EXOC4: variants seen among roughly 807,000 people sequenced by gnomAD.
EXOC4 encodes the protein SEC8-like 1.
EXOC4 carries 71 observed loss-of-function variants against 107.2 expected under a neutral mutation model. That is an observed-to-expected ratio of 0.66 (90% CI 0.55 to 0.81). The LOEUF is 0.81. Ranked by LOEUF, EXOC4 falls within the 30% of genes least tolerant of loss-of-function variation. EXOC4 has a pLI of 0.00. For synonymous variants in EXOC4, 456 were observed against 441.2 expected (o/e 1.03, Z -0.42); for missense variants, 1,108 against 1,189.6 (o/e 0.93, Z 1.01).
At position 134,052,329 on chromosome 7, in the gene EXOC4, T is replaced by G. The variant is rs796836330; in HGVS notation, c.2688-11962T>G. Among the ~76,000 whole-genome samples, 38 of 152,192 alleles carry G rather than the reference T, an allele frequency of 2.5e-4. 1 individual carries two copies. Among genetic ancestry groups the G allele is most frequent in the African/African-American group, 8.9e-4 (37 of 41,510 alleles). The stretch of plus-strand genomic sequence containing the variant: ...TGAAAGAACCAGTGAAAAGGGAAGA[T>G]ACTGGATACAAGAGTTAAAAATAAA... On this transcript the variant is annotated intron_variant, in intron 17 of 17. Transcript: ENST00000253861.
At chr7:133,325,687 G>A (rs1186125154) in intron 5 of EXOC4, among the ~76,000 whole-genome samples, 3 of 152,048 alleles carry the variant, frequency 2.0e-5, no homozygotes, top group Non-Finnish European at 4.4e-5. Flanking sequence ...ACAATTATTT[G>A]CCTTGGAGTT....
chr7:133,735,219 C>CAAAAAA lies in EXOC4; in HGVS notation c.1515-82078_1515-82073dup, dbSNP rs56769096. 2.7e-3 allele frequency among the ~76,000 whole-genome samples: 91 copies of CAAAAAA among 33,510 alleles called. 9 individuals are homozygous for CAAAAAA. Among genetic ancestry groups the CAAAAAA allele is most frequent in the Non-Finnish European group, 3.7e-3 (77 of 21,040 alleles). 22.0% of individuals were successfully genotyped at this position (33,510 alleles called of 152,430 possible). On this transcript the variant is annotated intron_variant, in intron 10 of 17. Coordinates refer to ENST00000253861, the MANE Select transcript of EXOC4 (RefSeq NM_021807.4). ...TGGGTGACAGAGGAAGACTCTGTCTCAAAAAAAAAAAAAAAAAAAAAAAAA... is the reference window on the plus strand; with the variant it reads ...TGGGTGACAGAGGAAGACTCTGTCTCAAAAAAAAAAAAAAAAAAAAAAAAAAAAAAA...
intron 16 of EXOC4, among the ~76,000 whole-genome samples, chr7:134,006,196 A>G (rs932544729): frequency 1.3e-5 from 2 of 151,616 alleles, no homozygotes; most frequent in African/African-American, 4.8e-5. Context: ...AATGCATTTA[A>G]TATATTTATT....
At chr7:133,742,468 A>T (rs1480537852) in intron 10 of EXOC4, among the ~76,000 whole-genome samples, 1 of 152,234 alleles carries the variant, frequency 6.6e-6, no homozygotes, top group Non-Finnish European at 1.5e-5. Context: ...AGTGAACTAC[A>T]CCTTGATAGC....
intron 10 of EXOC4, among the ~76,000 whole-genome samples, chr7:133,794,287 G>A (rs1001338138): frequency 9.9e-5 from 15 of 152,068 alleles, no homozygotes; most frequent in Admixed American, 2.0e-4. Context: ...AGTAATTTAG[G>A]TGATATTTTC....
intron 10 of EXOC4, among the ~76,000 whole-genome samples, chr7:133,663,021 G>C (rs1469708693): frequency 6.6e-6 from 1 of 152,118 alleles, no homozygotes; most frequent in Admixed American, 6.5e-5. Context: ...AGTGGTGTGG[G>C]ACAAATGCAA....
At chr7:133,367,846 C>G (rs1328203506) in intron 6 of EXOC4, among the ~76,000 whole-genome samples, 1 of 151,736 alleles carries the variant, frequency 6.6e-6, no homozygotes, top group Non-Finnish European at 1.5e-5. Context: ...CTGTTATGAC[C>G]ATAGTTCTCC....
chr7:133,713,849 C>A (rs1187778003), intron 10 of EXOC4, among the ~76,000 whole-genome samples: 5 of 152,164 alleles, frequency 3.3e-5, no homozygotes, highest in Admixed American at 2.0e-4. Flanking sequence ...TCCCCCGCCC[C>A]AAACATGCTG....
At chr7:133,289,169 C>A in intron 3 of EXOC4, 53 bp downstream of exon 3, 2 of 1,459,102 alleles carry the variant, frequency 1.4e-6, no homozygotes, top group South Asian at 1.2e-5. Flanking sequence ...TAAAAGCACT[C>A]TCTTTTATTC....
intron 5 of EXOC4, among the ~76,000 whole-genome samples, chr7:133,353,422 A>G (rs1795954685): frequency 6.6e-6 from 1 of 152,046 alleles, no homozygotes. Flanking sequence ...CTTGGTTGAC[A>G]GTTTTTTTAT....
intron 2 of EXOC4, among the ~76,000 whole-genome samples, chr7:133,287,499 G>C (rs1794308620): frequency 6.6e-6 from 1 of 152,048 alleles, no homozygotes; most frequent in East Asian, 1.9e-4. Context: ...TTGTTTAGTA[G>C]AGAGAGGGTT....
chr7:133,524,733 A>G (rs1321208211), intron 9 of EXOC4, among the ~76,000 whole-genome samples: 3 of 152,110 alleles, frequency 2.0e-5, no homozygotes, highest in East Asian at 3.9e-4. Flanking sequence ...CAGGTTTGTC[A>G]AAGATCAGAT....
intron 11 of EXOC4, among the ~76,000 whole-genome samples, chr7:133,832,386 G>A (rs1307657761): frequency 6.6e-6 from 1 of 152,102 alleles, no homozygotes; most frequent in Non-Finnish European, 1.5e-5. Flanking sequence ...GCAAAATGTT[G>A]TGTGTCTACC....
intron 10 of EXOC4, among the ~76,000 whole-genome samples, chr7:133,771,126 T>C (rs1489174839): frequency 1.3e-5 from 2 of 151,922 alleles, no homozygotes; most frequent in Non-Finnish European, 2.9e-5. Context: ...CAGCCAAAGA[T>C]ATAGACTTAT....
In EXOC4 at chr7:133,800,749, C is replaced by T. The variant is rs569307665; in HGVS notation, c.1515-16576C>T. On this transcript the variant is annotated intron_variant, in intron 10 of 17. Coordinates refer to ENST00000253861, the MANE Select transcript of EXOC4 (RefSeq NM_021807.4). ...TGACCCAAGTAACAGACAGTGTTGA[C>T]GTCTAGTCATAACTTCAGTGTGGGT... Among the ~76,000 whole-genome samples the T allele has an allele frequency of 1.1e-4, 17 of 152,254 alleles. 1 individual carries two copies. In the South Asian group the frequency reaches 3.3e-3, roughly 30 times the overall value.
chr7:133,780,726 G>A, intron 10 of EXOC4, among the ~76,000 whole-genome samples: 1 of 152,150 alleles, frequency 6.6e-6, no homozygotes, highest in Admixed American at 6.5e-5. Flanking sequence ...CCTGGGGGAA[G>A]GGCAGGAACT....
intron 11 of EXOC4, among the ~76,000 whole-genome samples, chr7:133,840,765 G>A (rs558835063): frequency 6.6e-6 from 1 of 152,278 alleles, no homozygotes; most frequent in Admixed American, 6.5e-5. Flanking sequence ...ACAGGCGTGA[G>A]CCACTACGCC....
At chr7:133,831,045 A>G (rs556957427) in intron 11 of EXOC4, among the ~76,000 whole-genome samples, 8 of 150,832 alleles carry the variant, frequency 5.3e-5, no homozygotes, top group African/African-American at 1.9e-4. Flanking sequence ...GCTCACTGCA[A>G]CCTCCGCCTC....
At chr7:133,961,234 C>T (rs2116835614) in intron 14 of EXOC4, among the ~76,000 whole-genome samples, 1 of 150,850 alleles carries the variant, frequency 6.6e-6, no homozygotes, top group East Asian at 2.0e-4. Context: ...TGGATTCACC[C>T]CTAGAGCCTC....
Sources: gnomAD v4.1 joint callset for allele counts (sites outside exome capture counted in the v4.1 genomes callset) on GRCh38, gnomAD v4.1.1 for gene constraint, MANE v1.5 for transcripts, NCBI Gene and HGNC (gene_info 2026-07-23, HGNC 2026-07-21) for gene names.